The following SYCP1 variants were observed in gnomAD, a reference collection of about 807,000 sequenced individuals.
The protein encoded by SYCP1 is synaptonemal complex protein 1.
A neutral mutation model predicts 153.1 loss-of-function variants in SYCP1; 64 were observed. The observed-to-expected ratio is 0.42, with a 90% confidence interval of 0.34 to 0.51. The LOEUF is 0.51. SYCP1 is among the 20% of genes least tolerant of loss of function. The pLI is 0.06. For missense variants in SYCP1, 997 were observed against 1,049.0 expected (o/e 0.95, Z 0.68); for synonymous variants, 384 against 341.8 (o/e 1.12, Z -1.36).
rs201672033 is a variant in SYCP1 at position 114,876,059 on chromosome 1, T to A, written c.658-10T>A. On this transcript the variant is annotated splice_polypyrimidine_tract_variant and intron_variant, in intron 9 of 31. Coordinates refer to ENST00000369522, the MANE Select transcript of SYCP1 (RefSeq NM_003176.4). Reference sequence around the variant, plus strand: ...AATTTAAGTATGATTCTTAAAACTTTATATTTCAGAAAATGATAACAGCTT... The same window carrying A: ...AATTTAAGTATGATTCTTAAAACTTAATATTTCAGAAAATGATAACAGCTT... 2.6e-6 allele frequency: 4 copies of A among 1,538,998 alleles called. No homozygotes were observed. The highest frequency in any genetic ancestry group is 1.4e-5 in the African/African-American group (1 of 72,396).
chr1:114,901,466 A>C (rs1667442007), intron 16 of SYCP1, among the ~76,000 whole-genome samples: 1 of 152,168 alleles, frequency 6.6e-6, no homozygotes, highest in Non-Finnish European at 1.5e-5. Flanking sequence ...AGAAAGGAAA[A>C]TCCAAGGCAG....
chr1:114,930,508 A>G (rs1256254843), intron 23 of SYCP1, among the ~76,000 whole-genome samples: 2 of 151,996 alleles, frequency 1.3e-5, no homozygotes, highest in Admixed American at 6.6e-5. Flanking sequence ...CATTAAAAAG[A>G]TAAGAAAGGG....
chr1:114,915,629 A>G (rs1396826680), intron 20 of SYCP1, among the ~76,000 whole-genome samples: 1 of 152,232 alleles, frequency 6.6e-6, no homozygotes, highest in Non-Finnish European at 1.5e-5. Flanking sequence ...GCTAGTCAGT[A>G]TCTCAGGAGC....
chr1:114,990,518 CAAG>C (rs1263998087), intron 30 of SYCP1, among the ~76,000 whole-genome samples: 2 of 151,620 alleles, frequency 1.3e-5, no homozygotes, highest in Non-Finnish European at 2.9e-5. Context: ...GAATAGAAAA[CAAG>C]AAAGTCAATG....
At position 114,858,621 on chromosome 1, in the gene SYCP1, T is replaced by C; in HGVS notation, c.366T>C (p.Ser122=). ...EAEKIKKWKV[S]TEAELRQKES... The stretch of plus-strand genomic sequence containing the variant: ...AAAAGATAAAAAAATGGAAAGTAAG[T>C]ACAGAAGCTGAACTGAGACAGAAAG... Residue 122 remains serine, a synonymous_variant, in exon 6 of 32, where the codon AGT becomes AGC. Transcript: ENST00000369522. The C allele has an allele frequency of 6.2e-7, 1 of 1,613,030 alleles. No homozygotes were observed. Among genetic ancestry groups the C allele is most frequent in the Non-Finnish European group, 8.5e-7 (1 of 1,179,380 alleles).
chr1:114,870,843 C>T (rs967752335), intron 8 of SYCP1, among the ~76,000 whole-genome samples: 4 of 152,204 alleles, frequency 2.6e-5, no homozygotes, highest in South Asian at 4.2e-4. Flanking sequence ...GTCATTTAGA[C>T]TATTGTCATT....
Position 114,947,321 on chromosome 1 carries a change from G to A in SYCP1, c.2322+1G>A, listed in dbSNP as rs1319920691. 1.2e-6 allele frequency: 2 copies of A among 1,611,252 alleles called. No homozygotes were observed. Among genetic ancestry groups the A allele is most frequent in the Non-Finnish European group, 1.7e-6 (2 of 1,178,794 alleles). ...ACTTGAAATAGAAAGAGAAGAGAAG[G>A]TAGGTTTTTTGGCATTATAGATAAA... On this transcript the variant is annotated splice_donor_variant, in intron 27 of 31. Transcript: ENST00000369522. LOFTEE classifies it high-confidence loss of function.
At chr1:114,994,593 C>CTTTCTACTCT in intron 30 of SYCP1, 105 bp from the exon 31 acceptor site, 1 of 797,600 alleles carries the variant, frequency 1.3e-6, no homozygotes, top group Non-Finnish European at 1.8e-6. Context: ...CATCCTTCCT[C>CTTTCTACTCT]TTTCTACTCT....
intron 9 of SYCP1, 92 bp downstream of exon 9, chr1:114,874,656 T>G: frequency 4.2e-6 from 3 of 714,924 alleles, no homozygotes; most frequent in South Asian, 2.5e-5. Context: ...CTATTCTTAC[T>G]AAAAAGATTA....
intron 27 of SYCP1, among the ~76,000 whole-genome samples, chr1:114,967,938 G>A (rs967752547): frequency 5.3e-5 from 8 of 151,884 alleles, no homozygotes; most frequent in African/African-American, 1.9e-4. Context: ...TTCACTTTAA[G>A]GTTAGTTTGG....
Position 114,951,388 on chromosome 1 carries a change from T to A in SYCP1, c.2322+4068T>A, listed in dbSNP as rs142099795. On this transcript the variant is annotated intron_variant, in intron 27 of 31. Coordinates refer to ENST00000369522, the MANE Select transcript of SYCP1 (RefSeq NM_003176.4). Reference sequence around the variant, plus strand: ...TAGCTACTTTAAACTAAAATATACATATTATATTTGAATTTATCGGAAAAA... The same window carrying A: ...TAGCTACTTTAAACTAAAATATACAAATTATATTTGAATTTATCGGAAAAA... Among the ~76,000 whole-genome samples the A allele has an allele frequency of 2.8e-4, 42 of 152,288 alleles. No individual in the cohort carries two copies. In the East Asian group the frequency reaches 7.3e-3, roughly 27 times the overall value.
At position 114,995,248 on chromosome 1, in the gene SYCP1, C is replaced by G. The variant is rs182729937; in HGVS notation, c.*229C>G. 220 of 320,530 alleles carry G rather than the reference C, an allele frequency of 6.9e-4. 2 individuals are homozygous for G. The highest frequency in any genetic ancestry group is 5.5e-5 in the Non-Finnish European group (10 of 183,310). 19.9% of individuals were successfully genotyped at this position (320,530 alleles called of 1,614,324 possible). ...TGATTATATATTGTTGTTACTTTTT[C>G]TTGTATTCATGAAAACTGTTTTTAC... is the stretch of plus-strand genomic sequence containing the variant. On this transcript the variant is annotated 3_prime_UTR_variant, in exon 32 of 32. Transcript: ENST00000369522.
intron 16 of SYCP1, among the ~76,000 whole-genome samples, chr1:114,903,007 C>G (rs1328395670): frequency 1.3e-5 from 2 of 152,052 alleles, no homozygotes; most frequent in Admixed American, 1.3e-4. Flanking sequence ...TGGCAAAACC[C>G]TGTCTCTACT....
intron 27 of SYCP1, among the ~76,000 whole-genome samples, chr1:114,969,650 G>A (rs533026088): frequency 6.6e-5 from 10 of 152,232 alleles, no homozygotes; most frequent in South Asian, 6.2e-4. Context: ...CCAGGGGAGC[G>A]AACAGTTCTG....
intron 16 of SYCP1, among the ~76,000 whole-genome samples, chr1:114,902,798 A>G (rs1667556844): frequency 7.0e-6 from 1 of 142,588 alleles, no homozygotes; most frequent in Non-Finnish European, 1.5e-5. Context: ...TTTTCCATCT[A>G]TGAAATGGAA....
chr1:114,953,022 G>T (rs1231680425), intron 27 of SYCP1, among the ~76,000 whole-genome samples: 1 of 152,178 alleles, frequency 6.6e-6, no homozygotes, highest in Non-Finnish European at 1.5e-5. Context: ...AGAGAGAAAT[G>T]ACCTGTCTTC....
intron 29 of SYCP1, among the ~76,000 whole-genome samples, chr1:114,983,684 G>A (rs986940491): frequency 1.3e-5 from 2 of 151,832 alleles, no homozygotes; most frequent in African/African-American, 2.4e-5. Flanking sequence ...AAGACACCAC[G>A]AAGTTTGGGT....
intron 2 of SYCP1, among the ~76,000 whole-genome samples, chr1:114,856,080 C>T (rs1428974875): frequency 6.6e-6 from 1 of 152,068 alleles, no homozygotes; most frequent in Non-Finnish European, 1.5e-5. Context: ...TCAGGTGAAA[C>T]AGAGCTTTAA....
chr1:114,956,721 T>C lies in SYCP1; in HGVS notation c.2322+9401T>C, dbSNP rs147074993. On this transcript the variant is annotated intron_variant, in intron 27 of 31. Coordinates refer to ENST00000369522, the MANE Select transcript of SYCP1 (RefSeq NM_003176.4). ...GGCTTATCTGGGCTGGAATGGCATG[T>C]CAACCTTGGAGTCCTTGCAAGACTC... Among the ~76,000 whole-genome samples the C allele has an allele frequency of 3.9e-5, 6 of 152,306 alleles. No individual in the cohort carries two copies. The East Asian group carries it at 1.2e-3, about 29-fold the overall frequency.
Sources: allele counts gnomAD v4.1 joint callset (sites outside exome capture counted in the v4.1 genomes callset), GRCh38; gene constraint gnomAD v4.1.1; transcripts MANE v1.5; gene names NCBI Gene and HGNC (gene_info 2026-07-23, HGNC 2026-07-21).